Variants in MAMDC2 observed in about 807,000 individuals in gnomAD.
MAMDC2 encodes the protein MAM domain containing 2.
MAMDC2 carries 57 observed loss-of-function variants against 89.8 expected under a neutral mutation model. The observed-to-expected ratio is 0.63, with a 90% CI of 0.51 to 0.79. MAMDC2 has a LOEUF of 0.79. Ranked by LOEUF, MAMDC2 falls within the 30% of genes least tolerant of loss-of-function variation. MAMDC2 has a pLI of 0.00. For missense variants in MAMDC2, 800 were observed against 820.6 expected (o/e 0.97, Z 0.31); for synonymous variants, 313 against 293.4 (o/e 1.07, Z -0.68).
chr9:70,044,022 C>A lies in MAMDC2; in HGVS notation c.-176C>A. The A allele has an allele frequency of 1.4e-6, 1 of 699,890 alleles. No individual in the cohort carries two copies. Among genetic ancestry groups the A allele is most frequent in the Non-Finnish European group, 2.4e-6 (1 of 414,844 alleles). 43.4% of individuals were successfully genotyped at this position (699,890 alleles called of 1,614,324 possible). On this transcript the variant is annotated 5_prime_UTR_variant, in exon 1 of 14. Transcript: ENST00000377182. The stretch of plus-strand genomic sequence containing the variant: ...GAGCACCTTCCAGCATACCGCTCGG[C>A]TCCGGGAGCCGCTCTGCAAAGTTGG...
At position 70,226,033 on chromosome 9, in the gene MAMDC2, G is replaced by A. The variant is rs1237245179; in HGVS notation, c.*1G>A. 5.8e-6 allele frequency: 9 copies of A among 1,541,608 alleles called. No individual in the cohort carries two copies. Among genetic ancestry groups the A allele is most frequent in the Non-Finnish European group, 8.0e-6 (9 of 1,129,270 alleles). On this transcript the variant is annotated 3_prime_UTR_variant, in exon 14 of 14. Coordinates refer to ENST00000377182, the MANE Select transcript of MAMDC2 (RefSeq NM_153267.5). ...GGACTTAAATGAAATTGAGTATTAA[G>A]AAATGATCTGCATTGGATTTACTAG...
chr9:70,166,963 TA>T (rs2032195644), intron 9 of MAMDC2, among the ~76,000 whole-genome samples: 1 of 152,146 alleles, frequency 6.6e-6, no homozygotes, highest in Admixed American at 6.5e-5. Context: ...CCTTCCCATA[TA>T]ACAAAAAAAG....
intron 11 of MAMDC2, among the ~76,000 whole-genome samples, chr9:70,213,443 T>C (rs888205047): frequency 1.3e-5 from 2 of 152,218 alleles, no homozygotes; most frequent in East Asian, 1.9e-4. Flanking sequence ...TTAAGCTAAA[T>C]GTATTAGGGT....
chr9:70,138,672 T>C (rs928059583), intron 7 of MAMDC2, among the ~76,000 whole-genome samples: 6 of 152,200 alleles, frequency 3.9e-5, no homozygotes, highest in Non-Finnish European at 7.3e-5. Flanking sequence ...ATTTTTTTTA[T>C]ATACCTGTTG....
At chr9:70,049,527 G>A (rs1165667276) in intron 2 of MAMDC2, among the ~76,000 whole-genome samples, 3 of 152,216 alleles carry the variant, frequency 2.0e-5, no homozygotes, top group East Asian at 3.9e-4. Flanking sequence ...GGCTGATTCA[G>A]CATCCCACCC....
At chr9:70,199,778 G>T (rs2033058118) in intron 11 of MAMDC2, among the ~76,000 whole-genome samples, 2 of 144,932 alleles carry the variant, frequency 1.4e-5, no homozygotes, top group African/African-American at 5.1e-5. Context: ...TTGTGGTTTT[G>T]ATTTGCATTT....
chr9:70,051,355 G>A (rs1387530277), intron 2 of MAMDC2, among the ~76,000 whole-genome samples: 1 of 152,116 alleles, frequency 6.6e-6, no homozygotes, highest in African/African-American at 2.4e-5. Context: ...AAGACACCTA[G>A]GGATTTTTAG....
Position 70,140,391 on chromosome 9 carries a change from G to A in MAMDC2, c.1138+103G>A, listed in dbSNP as rs114288682. The A allele has an allele frequency of 1.0e-3, 1,319 of 1,294,586 alleles. 10 individuals are homozygous for A. The African/African-American group carries it at 0.019, about 19-fold the overall frequency. The allele number at this position is 1,294,586 out of a possible 1,614,324, so 80.2% of individuals were successfully genotyped here. On this transcript the variant is annotated intron_variant, in intron 8 of 13. Coordinates refer to ENST00000377182, the MANE Select transcript of MAMDC2 (RefSeq NM_153267.5). ...AAAGACATCGACTTAAAGAAAAAAG[G>A]CAGCTGTGAAGAAGCAAAGACAATC... is the stretch of plus-strand genomic sequence containing the variant.
intron 8 of MAMDC2, among the ~76,000 whole-genome samples, chr9:70,141,216 A>G (rs2031207706): frequency 6.6e-6 from 1 of 152,184 alleles, no homozygotes; most frequent in African/African-American, 2.4e-5. Flanking sequence ...AGGCCCTACC[A>G]AATCTATTCT....
At chr9:70,209,090 T>A (rs4384045) in intron 11 of MAMDC2, among the ~76,000 whole-genome samples, 12 of 152,090 alleles carry the variant, frequency 7.9e-5, no homozygotes, top group African/African-American at 2.2e-4. Context: ...GTCTAAAATT[T>A]GCTTTTTTGT....
At chr9:70,072,705 C>T (rs1156640649) in intron 2 of MAMDC2, among the ~76,000 whole-genome samples, 2 of 151,814 alleles carry the variant, frequency 1.3e-5, no homozygotes, top group Non-Finnish European at 2.9e-5. Context: ...ACTGTATTGT[C>T]TCTTTGAGCT....
rs761372870 is a variant in MAMDC2, at chr9:70,126,428, G to C, written c.900+13G>C. 3.1e-6 allele frequency: 5 copies of C among 1,606,018 alleles called. No homozygotes were observed. In the Admixed American group the frequency reaches 6.7e-5, roughly 21 times the overall value. On this transcript the variant is annotated intron_variant, in intron 6 of 13. Coordinates refer to ENST00000377182, the MANE Select transcript of MAMDC2 (RefSeq NM_153267.5). ...TTACCCCATGGAGGTAGGTGTACTG[G>C]TGCGCACCAGCTGTTCACTGGCACT...
intron 2 of MAMDC2, chr9:70,085,678 C>G (rs1271891742): frequency 6.6e-6 from 1 of 152,110 alleles, no homozygotes; most frequent in Middle Eastern, 3.2e-3. Context: ...TGTCTTGACT[C>G]TGCCTAGTCT....
chr9:70,179,255 G>A (rs2032578437), intron 11 of MAMDC2, among the ~76,000 whole-genome samples: 1 of 152,096 alleles, frequency 6.6e-6, no homozygotes, highest in Non-Finnish European at 1.5e-5. Context: ...GCTCACGCTT[G>A]TAATCCCAGC....
At chr9:70,056,577 T>C (rs1402075121) in intron 2 of MAMDC2, among the ~76,000 whole-genome samples, 1 of 152,240 alleles carries the variant, frequency 6.6e-6, no homozygotes, top group Non-Finnish European at 1.5e-5. Context: ...ATGTTGGGGA[T>C]AACACATCTG....
Position 70,123,292 on chromosome 9 carries a change from ATAGGCATT to A in MAMDC2, c.644-2866_644-2859del, listed in dbSNP as rs370316988. ...AGCAGATTACAGAAGCTAACTGGTC[ATAGGCATT>A]CTCCACTACTAGAATGTTCTCGTCA... On this transcript the variant is annotated intron_variant, in intron 5 of 13. Coordinates refer to ENST00000377182, the MANE Select transcript of MAMDC2 (RefSeq NM_153267.5). Among the ~76,000 whole-genome samples the A allele has an allele frequency of 4.3e-3, 661 of 152,330 alleles. 6 individuals are homozygous for A. The highest frequency in any genetic ancestry group is 0.014 in the African/African-American group (598 of 41,572).
chr9:70,126,885 C>T (rs1045716895), intron 6 of MAMDC2, among the ~76,000 whole-genome samples: 1 of 148,714 alleles, frequency 6.7e-6, no homozygotes, highest in Non-Finnish European at 1.5e-5. Flanking sequence ...TAAATAATGT[C>T]GTAAAATCAG....
intron 2 of MAMDC2, among the ~76,000 whole-genome samples, chr9:70,101,274 CAT>C (rs1828185384): frequency 6.6e-6 from 1 of 151,814 alleles, no homozygotes; most frequent in African/African-American, 2.4e-5. Flanking sequence ...ACAGTTGTTA[CAT>C]AAGAGTCAAA....
rs550815339 is a variant in MAMDC2 at position 70,091,337 on chromosome 9, T to C, written c.149-16874T>C. On this transcript the variant is annotated intron_variant, in intron 2 of 13. Transcript: ENST00000377182. The stretch of plus-strand genomic sequence containing the variant: ...GGTCACAGGCCAAGAGCTGGACATG[T>C]GCAAAGCCTTCAGGAAGACCTAATC... 4.0e-4 allele frequency among the ~76,000 whole-genome samples: 61 copies of C among 152,200 alleles called. No homozygotes were observed. In the South Asian group the frequency reaches 0.011, roughly 28 times the overall value.
Sources: allele counts gnomAD v4.1 joint callset (sites outside exome capture counted in the v4.1 genomes callset), GRCh38; gene constraint gnomAD v4.1.1; transcripts MANE v1.5; gene names NCBI Gene and HGNC (gene_info 2026-07-23, HGNC 2026-07-21).